Variants in BMPR1B observed in about 807,000 individuals in gnomAD.
BMPR1B encodes bone morphogenetic protein receptor type-1B.
Under a neutral mutation model 59.1 loss-of-function variants are expected in BMPR1B, and 12 were observed. The observed-to-expected ratio is 0.20, with a 90% CI of 0.13 to 0.33. The LOEUF (loss-of-function observed/expected upper bound fraction) is 0.33. BMPR1B is among the 10% of genes least tolerant of loss of function. The pLI, the probability that BMPR1B is intolerant of heterozygous loss-of-function variation, is 1.00. For missense variants in BMPR1B, 550 were observed against 610.9 expected, an observed-to-expected ratio of 0.90 and a Z score of 1.05; for synonymous variants, 237 against 207.3, an observed-to-expected ratio of 1.14 and a Z score of -1.23.
intron 3 of BMPR1B, among the ~76,000 whole-genome samples, chr4:95,019,942 C>T (rs1012900022): frequency 2.6e-5 from 4 of 151,922 alleles, no homozygotes; most frequent in African/African-American, 9.7e-5. Flanking sequence ...ATATTGGTAC[C>T]TTGATAAAAT....
At chr4:95,138,835 C>G (rs1734001035) in intron 10 of BMPR1B, among the ~76,000 whole-genome samples, 1 of 152,122 alleles carries the variant, frequency 6.6e-6, no homozygotes, top group African/African-American at 2.4e-5. Flanking sequence ...TTTTTAGCTT[C>G]TTTGCAATGA....
intron 2 of BMPR1B, among the ~76,000 whole-genome samples, chr4:94,921,645 A>C (rs1728691855): frequency 6.6e-6 from 1 of 152,076 alleles, no homozygotes; most frequent in Non-Finnish European, 1.5e-5. Flanking sequence ...ATTCAAGAGA[A>C]ACCTGCCCCC....
chr4:95,093,626 C>T lies in BMPR1B; in HGVS notation c.-17-10782C>T, dbSNP rs147669600. Among the ~76,000 whole-genome samples, 708 of 152,012 alleles carry T rather than the reference C, an allele frequency of 4.7e-3. 5 individuals are homozygous for T. The highest frequency in any genetic ancestry group is 0.016 in the African/African-American group (664 of 41,474). On this transcript the variant is annotated intron_variant, in intron 3 of 12. Coordinates refer to ENST00000515059, the MANE Select transcript of BMPR1B (RefSeq NM_001203.3). Reference sequence around the variant, plus strand: ...GTTTTTTTATGTCATAGTCTGGTATCACATAAAATGTTTGAGTGATTGAAG... The same window carrying T: ...GTTTTTTTATGTCATAGTCTGGTATTACATAAAATGTTTGAGTGATTGAAG...
chr4:94,973,264 G>A (rs987893321), intron 2 of BMPR1B, among the ~76,000 whole-genome samples: 3 of 152,178 alleles, frequency 2.0e-5, no homozygotes, highest in African/African-American at 7.2e-5. Context: ...GCCAGCGAGG[G>A]CAAAGGGCCA....
At chr4:94,966,195 G>A (rs953496563) in intron 2 of BMPR1B, among the ~76,000 whole-genome samples, 1 of 152,102 alleles carries the variant, frequency 6.6e-6, no homozygotes, top group Non-Finnish European at 1.5e-5. Flanking sequence ...CTGATTTACA[G>A]CCCTGGTAAT....
intron 1 of BMPR1B, among the ~76,000 whole-genome samples, chr4:94,791,888 A>G (rs1276165163): frequency 6.6e-6 from 1 of 152,082 alleles, no homozygotes; most frequent in Non-Finnish European, 1.5e-5. Context: ...TCTGAAATGA[A>G]TAGAGCATTC....
intron 2 of BMPR1B, among the ~76,000 whole-genome samples, chr4:94,951,614 G>C (rs908255271): frequency 5.3e-5 from 8 of 152,176 alleles, no homozygotes; most frequent in Admixed American, 5.2e-4. Context: ...AAGCCGACTT[G>C]ATCGTGGTGG....
At chr4:95,128,170 G>A (rs1160272404) in intron 8 of BMPR1B, among the ~76,000 whole-genome samples, 3 of 152,124 alleles carry the variant, frequency 2.0e-5, no homozygotes, top group Non-Finnish European at 4.4e-5. Flanking sequence ...ACAGGCATGA[G>A]CCACCGTGCC....
intron 1 of BMPR1B, among the ~76,000 whole-genome samples, chr4:94,842,853 T>C (rs1366499809): frequency 6.8e-6 from 1 of 146,224 alleles, no homozygotes; most frequent in Non-Finnish European, 1.5e-5. Flanking sequence ...CTCACAGTAC[T>C]GTTTATTACT....
chr4:95,066,160 G>A (rs563554096), intron 3 of BMPR1B, among the ~76,000 whole-genome samples: 244 of 152,288 alleles, frequency 1.6e-3, no homozygotes, highest in Non-Finnish European at 2.7e-3. Flanking sequence ...CAAAGCACAG[G>A]CCCTAGGCCA....
At chr4:95,138,993 G>A (rs958723632) in intron 10 of BMPR1B, among the ~76,000 whole-genome samples, 2 of 152,158 alleles carry the variant, frequency 1.3e-5, no homozygotes, top group South Asian at 2.1e-4. Flanking sequence ...AGAGGTGCTC[G>A]ATTTTTAGAA....
At chr4:94,878,903 T>C (rs1726847612) in intron 2 of BMPR1B, among the ~76,000 whole-genome samples, 1 of 152,184 alleles carries the variant, frequency 6.6e-6, no homozygotes. Context: ...GACTCATTTA[T>C]ATCAAATATT....
chr4:95,134,274 G>T (rs977795234), intron 10 of BMPR1B, among the ~76,000 whole-genome samples: 1 of 152,014 alleles, frequency 6.6e-6, no homozygotes, highest in Non-Finnish European at 1.5e-5. Context: ...GTCTATCATC[G>T]ATGTACATTT....
At chr4:94,839,528 C>T (rs1363255279) in intron 1 of BMPR1B, among the ~76,000 whole-genome samples, 4 of 149,066 alleles carry the variant, frequency 2.7e-5, no homozygotes, top group African/African-American at 9.9e-5. Flanking sequence ...CCTTCTTTGT[C>T]TTTTTTGATC....
At chr4:94,818,654 T>G (rs1308105724) in intron 1 of BMPR1B, among the ~76,000 whole-genome samples, 29 of 152,190 alleles carry the variant, frequency 1.9e-4, no homozygotes, top group Admixed American at 1.8e-3. Flanking sequence ...TAGTCAAGAT[T>G]TAGTATCTCA....
Position 95,046,052 on chromosome 4 carries a change from ATATT to A in BMPR1B, c.-18+49921_-18+49924del, listed in dbSNP as rs546438069. Among the ~76,000 whole-genome samples, 685 of 152,254 alleles carry A rather than the reference ATATT, an allele frequency of 4.5e-3. 2 individuals carry two copies. Among genetic ancestry groups the A allele is most frequent in the Non-Finnish European group, 7.8e-3 (528 of 68,024 alleles). On this transcript the variant is annotated intron_variant, in intron 3 of 12. Coordinates refer to ENST00000515059, the MANE Select transcript of BMPR1B (RefSeq NM_001203.3). ...AATGAAAATGAATTGATTTGAATAA[ATATT>A]TAGTTTTTCAGGTATAATTTGACTT... is the stretch of plus-strand genomic sequence containing the variant.
At chr4:95,092,918 CTG>C in intron 3 of BMPR1B, among the ~76,000 whole-genome samples, 1 of 152,122 alleles carries the variant, frequency 6.6e-6, no homozygotes, top group East Asian at 1.9e-4. Flanking sequence ...CTTCGGAACT[CTG>C]TGAAGCAGAG....
intron 4 of BMPR1B, among the ~76,000 whole-genome samples, chr4:95,114,228 A>G (rs1731839763): frequency 6.6e-6 from 1 of 152,118 alleles, no homozygotes; most frequent in Non-Finnish European, 1.5e-5. Context: ...AACAGTATAA[A>G]CAGTCACCTG....
intron 1 of BMPR1B, among the ~76,000 whole-genome samples, chr4:94,790,904 C>T (rs951216899): frequency 1.3e-5 from 2 of 152,166 alleles, no homozygotes; most frequent in East Asian, 3.9e-4. Flanking sequence ...GGTATTCTTA[C>T]GTTGCCTTTG....
Sources: gnomAD v4.1 joint callset for allele counts (sites outside exome capture counted in the v4.1 genomes callset) on GRCh38, gnomAD v4.1.1 for gene constraint, MANE v1.5 for transcripts, NCBI Gene and HGNC (gene_info 2026-07-23, HGNC 2026-07-21) for gene names.